The following BICC1 variants were observed in gnomAD, a reference collection of about 807,000 sequenced individuals.
BICC1 encodes BicC family RNA binding protein 1.
Under a neutral mutation model 111.0 loss-of-function variants are expected in BICC1, and 43 were observed. The observed-to-expected ratio is 0.39, with a 90% CI of 0.30 to 0.50. The LOEUF (loss-of-function observed/expected upper bound fraction) is 0.50, where lower values mean the gene tolerates loss of function less well. Ranked by LOEUF, BICC1 falls within the 20% of genes least tolerant of loss-of-function variation. BICC1 has a pLI of 0.88. For synonymous variants in BICC1, 467 were observed against 434.4 expected, an observed-to-expected ratio of 1.07 and a Z score of -0.93; for missense variants, 1,091 against 1,203.2, an observed-to-expected ratio of 0.91 and a Z score of 1.38.
intron 2 of BICC1, among the ~76,000 whole-genome samples, chr10:58,641,663 A>G (rs1029975865): frequency 2.0e-5 from 3 of 152,168 alleles, no homozygotes; most frequent in African/African-American, 7.2e-5. Flanking sequence ...GTATTTTAGG[A>G]AACTTTATAG....
intron 3 of BICC1, among the ~76,000 whole-genome samples, chr10:58,749,501 A>G (rs1841926812): frequency 6.6e-6 from 1 of 152,204 alleles, no homozygotes; most frequent in East Asian, 1.9e-4. Context: ...TATAATAAAT[A>G]AAAGTTATCC....
At chr10:58,658,774 A>G (rs1460752108) in intron 2 of BICC1, among the ~76,000 whole-genome samples, 1 of 152,180 alleles carries the variant, frequency 6.6e-6, no homozygotes, top group East Asian at 1.9e-4. Flanking sequence ...ACATGCTCCC[A>G]TCATTCCTGG....
chr10:58,709,572 T>C (rs920734403), intron 3 of BICC1, among the ~76,000 whole-genome samples: 1 of 152,208 alleles, frequency 6.6e-6, no homozygotes, highest in Non-Finnish European at 1.5e-5. Context: ...TGTTTGTAGA[T>C]TGAGCCCTCA....
At chr10:58,816,217 A>C (rs2393499) in intron 18 of BICC1, among the ~76,000 whole-genome samples, 1 of 151,960 alleles carries the variant, frequency 6.6e-6, no homozygotes, top group Non-Finnish European at 1.5e-5. Flanking sequence ...ACTCACCCCA[A>C]TTTGCTTATC....
intron 1 of BICC1, among the ~76,000 whole-genome samples, chr10:58,585,282 T>G (rs1844398666): frequency 1.3e-5 from 2 of 152,228 alleles, no homozygotes; most frequent in African/African-American, 4.8e-5. Flanking sequence ...AATCTTTGTG[T>G]GGCCATTGTC....
intron 3 of BICC1, among the ~76,000 whole-genome samples, chr10:58,723,703 G>A (rs1329439836): frequency 6.6e-6 from 1 of 152,194 alleles, no homozygotes; most frequent in Non-Finnish European, 1.5e-5. Flanking sequence ...AACTTATTAT[G>A]TGTTCTCTAG....
intron 3 of BICC1, among the ~76,000 whole-genome samples, chr10:58,728,008 G>A (rs916704762): frequency 8.5e-5 from 13 of 152,218 alleles, no homozygotes; most frequent in Admixed American, 5.9e-4. Context: ...TGAGCTTTCA[G>A]TGAGTCTTAA....
chr10:58,638,556 C>T (rs956730207), intron 2 of BICC1, among the ~76,000 whole-genome samples: 43 of 152,354 alleles, frequency 2.8e-4, no homozygotes, highest in African/African-American at 1.0e-3. Context: ...CTGGTCTACA[C>T]ATGGGTCACC....
At position 58,513,085 on chromosome 10, in the gene BICC1, A is replaced by AGGCGGCAGCGCAGGCAGAGC; in HGVS notation, c.-52_-33dup. On this transcript the variant is annotated 5_prime_UTR_variant, in exon 1 of 21. Coordinates refer to ENST00000373886, the MANE Select transcript of BICC1 (RefSeq NM_001080512.3). ...CCAGTTGAGCCCGGCCGGCGAGCGG[A>AGGCGGCAGCGCAGGCAGAGC]GGCGGCAGCGCAGGCAGAGCGGCGG... The AGGCGGCAGCGCAGGCAGAGC allele has an allele frequency of 8.0e-7, 1 of 1,254,438 alleles. No homozygotes were observed. Among genetic ancestry groups the AGGCGGCAGCGCAGGCAGAGC allele is most frequent in the Non-Finnish European group, 1.0e-6 (1 of 989,126 alleles). 77.7% of individuals were successfully genotyped at this position (1,254,438 alleles called of 1,614,324 possible). A position where few individuals can be genotyped will look rare whatever the true frequency, so the allele number is the denominator to read the frequency against.
intron 2 of BICC1, among the ~76,000 whole-genome samples, chr10:58,621,903 T>TTAGAATAGAATAGAATAGAATAGAA (rs60609267): frequency 5.4e-4 from 24 of 44,780 alleles, no homozygotes; most frequent in South Asian, 9.8e-4. Context: ...GTCTCTAAAA[T>TTAGAATAGAATAGAATAGAATAGAA]TAGAATAGAA....
intron 2 of BICC1, among the ~76,000 whole-genome samples, chr10:58,622,363 G>A (rs1156630809): frequency 6.6e-6 from 1 of 152,164 alleles, no homozygotes; most frequent in Non-Finnish European, 1.5e-5. Context: ...TTTAAAAGCT[G>A]AGTCAAAATA....
intron 1 of BICC1, among the ~76,000 whole-genome samples, chr10:58,521,791 TTTTTTTTTTTTTTTTG>T (rs1842397502): frequency 1.8e-5 from 1 of 55,534 alleles, no homozygotes; most frequent in African/African-American, 9.4e-5. Context: ...TTTTTTTTTT[TTTTTTTTTTTTTTTTG>T]AGGGAGTACA....
chr10:58,758,082 T>C (rs1049489029), intron 3 of BICC1, among the ~76,000 whole-genome samples: 8 of 152,246 alleles, frequency 5.3e-5, no homozygotes, highest in African/African-American at 1.2e-4. Flanking sequence ...AAAAAAAATA[T>C]ATGTAGTTTT....
intron 3 of BICC1, among the ~76,000 whole-genome samples, chr10:58,774,252 G>A (rs1001169988): frequency 2.6e-5 from 4 of 152,166 alleles, no homozygotes; most frequent in Non-Finnish European, 5.9e-5. Flanking sequence ...AAACTGCATG[G>A]CAAAAAGCCT....
At chr10:58,520,381 T>C (rs1280789077) in intron 1 of BICC1, among the ~76,000 whole-genome samples, 1 of 152,258 alleles carries the variant, frequency 6.6e-6, no homozygotes, top group East Asian at 1.9e-4. Flanking sequence ...CTTATCGTAC[T>C]ACCATCTAGG....
At chr10:58,609,289 C>G (rs1270954561) in intron 1 of BICC1, among the ~76,000 whole-genome samples, 1 of 152,156 alleles carries the variant, frequency 6.6e-6, no homozygotes, top group Non-Finnish European at 1.5e-5. Flanking sequence ...CAAAATGTTC[C>G]CAGGAGGTTA....
At chr10:58,583,606 G>C (rs1225143823) in intron 1 of BICC1, among the ~76,000 whole-genome samples, 6 of 151,632 alleles carry the variant, frequency 4.0e-5, no homozygotes, top group South Asian at 4.2e-4. Flanking sequence ...GTGTGTGTGT[G>C]TGTGTGTGTG....
chr10:58,808,717 ATT>A (rs34786742), intron 17 of BICC1, among the ~76,000 whole-genome samples: 2 of 145,148 alleles, frequency 1.4e-5, no homozygotes, highest in Non-Finnish European at 1.5e-5. Context: ...TTTAAAAAAA[ATT>A]TTTTTTTTTT....
intron 3 of BICC1, among the ~76,000 whole-genome samples, chr10:58,775,373 CA>C (rs1176755217): frequency 7.5e-6 from 1 of 132,896 alleles, no homozygotes. Flanking sequence ...GACTCTGTCT[CA>C]AAAAAAAACA....
Sources: allele counts gnomAD v4.1 joint callset (sites outside exome capture counted in the v4.1 genomes callset), GRCh38; gene constraint gnomAD v4.1.1; transcripts MANE v1.5; gene names NCBI Gene and HGNC (gene_info 2026-07-23, HGNC 2026-07-21).